Variants in AGR3 observed in about 807,000 individuals in gnomAD.
AGR3 encodes anterior gradient 3, protein disulphide isomerase family member, also known as anterior gradient protein 3.
A neutral mutation model predicts 24.5 loss-of-function variants in AGR3; 37 were observed. The observed-to-expected ratio is 1.51, with a 90% CI of 1.16 to 1.99. AGR3 has a LOEUF of 1.99. AGR3 is among the 30% of genes most tolerant of loss of function. The probability of loss-of-function intolerance (pLI) is 0.00; values close to 1 mark genes in which losing one functional copy is unlikely to be tolerated. For synonymous variants in AGR3, 75 were observed against 61.6 expected, an observed-to-expected ratio of 1.22 and a Z score of -1.02; for missense variants, 228 against 191.1, an observed-to-expected ratio of 1.19 and a Z score of -1.14.
chr7:16,879,087 A>G (rs1026323841), intron 1 of AGR3, among the ~76,000 whole-genome samples: 2 of 152,242 alleles, frequency 1.3e-5, no homozygotes, highest in Non-Finnish European at 2.9e-5. Context: ...ACTCTATACT[A>G]AGATAAGATT....
At chr7:16,865,531 C>CA in intron 3 of AGR3, 1 of 694,466 alleles carries the variant, frequency 1.4e-6, no homozygotes, top group Non-Finnish European at 2.6e-6. Flanking sequence ...CTGAGACTGT[C>CA]ACAGATTATA....
In AGR3 at chr7:16,859,597, A is replaced by G; in HGVS notation, c.486T>C (p.Ile162=). Reference sequence around the variant, plus strand: ...CCATCATCTCTTATAGCTCTGACTGAATAAGTCTTAATGCTTTCTTCATGT... The same window carrying G: ...CCATCATCTCTTATAGCTCTGACTGGATAAGTCTTAATGCTTTCTTCATGT... ...IENMKKALRL[I]QSEL is the part of the protein sequence containing the mutation. Residue 162 remains isoleucine (I), a synonymous_variant, in exon 8 of 8, where the codon ATT becomes ATC. Coordinates refer to ENST00000310398, the MANE Select transcript of AGR3 (RefSeq NM_176813.5). 1 of 1,553,252 alleles carries G rather than the reference A, an allele frequency of 6.4e-7. No individual in the cohort carries two copies.
intron 4 of AGR3, among the ~76,000 whole-genome samples, chr7:16,862,336 C>T (rs568479603): frequency 5.9e-4 from 90 of 152,098 alleles, no homozygotes; most frequent in African/African-American, 1.9e-3. Flanking sequence ...GACTTTTTTT[C>T]AGTGTTTCTA....
intron 5 of AGR3, 98 bp from the exon 6 acceptor site, chr7:16,861,545 CT>C: frequency 9.6e-7 from 1 of 1,040,044 alleles, no homozygotes; most frequent in Non-Finnish European, 1.5e-6. Flanking sequence ...CTATTTTGGC[CT>C]TTTATAATTC....
chr7:16,870,824 T>C (rs1022752674), intron 3 of AGR3, among the ~76,000 whole-genome samples: 7 of 152,306 alleles, frequency 4.6e-5, no homozygotes, highest in African/African-American at 1.7e-4. Context: ...CACCGATATT[T>C]GGAAGTGAGA....
At chr7:16,873,068 C>T (rs1781915231) in intron 3 of AGR3, among the ~76,000 whole-genome samples, 1 of 152,122 alleles carries the variant, frequency 6.6e-6, no homozygotes, top group South Asian at 2.1e-4. Flanking sequence ...AAAAATATAA[C>T]TACCATATGA....
In AGR3 at chr7:16,859,649, A is replaced by G. The variant is rs1388730106; in HGVS notation, c.452-18T>C. 7.0e-7 allele frequency: 1 copy of G among 1,424,196 alleles called. No individual in the cohort carries two copies. The highest frequency in any genetic ancestry group is 9.6e-7 in the Non-Finnish European group (1 of 1,036,292). 88.2% of individuals were successfully genotyped at this position (1,424,196 alleles called of 1,614,324 possible). A position where few individuals can be genotyped will look rare whatever the true frequency, so the allele number is the denominator to read the frequency against. ...TTCTATCACTGAAATAAGAGTTAATATATATTATGCTATTAATAAATGAAA... is the reference window on the plus strand; with the variant it reads ...TTCTATCACTGAAATAAGAGTTAATGTATATTATGCTATTAATAAATGAAA... On this transcript the variant is annotated intron_variant, in intron 7 of 7. Transcript: ENST00000310398.
At chr7:16,863,851 A>C (rs1781696947) in intron 3 of AGR3, among the ~76,000 whole-genome samples, 1 of 152,006 alleles carries the variant, frequency 6.6e-6, no homozygotes, top group Non-Finnish European at 1.5e-5. Context: ...TATTTGCTAA[A>C]CATGCTTTTT....
At chr7:16,864,339 C>T (rs1326480366) in intron 3 of AGR3, 7 of 1,359,910 alleles carry the variant, frequency 5.1e-6, no homozygotes, top group South Asian at 4.7e-5. Context: ...AGAGCTGAGG[C>T]TGGCTGGCAG....
At chr7:16,856,366 A>T (rs75549226), downstream of AGR3, among the ~76,000 whole-genome samples, 3,862 of 152,322 alleles carry the variant, frequency 0.025, 89 homozygotes, top group South Asian at 0.11. Context: ...GAGGTGAAGG[A>T]TCTAGTGCAG....
chr7:16,865,209 G>T (rs1042368215), intron 3 of AGR3: 37 of 765,518 alleles, frequency 4.8e-5, no homozygotes, highest in Non-Finnish European at 8.2e-5. Context: ...TTTTGATTTT[G>T]ACAGCGTAGC....
At chr7:16,873,878 A>G (rs768312521) in intron 2 of AGR3, 35 bp from the exon 3 acceptor site, 4 of 1,515,454 alleles carry the variant, frequency 2.6e-6, no homozygotes, top group African/African-American at 2.8e-5. Context: ...GCAGTAACCC[A>G]GAACTAGAGA....
In AGR3 at chr7:16,862,042, G is replaced by T. The variant is rs201972239; in HGVS notation, c.245C>A (p.Ala82Asp). 3 of 1,613,156 alleles carry T rather than the reference G, an allele frequency of 1.9e-6. No homozygotes were observed. The highest frequency in any genetic ancestry group is 2.5e-6 in the Non-Finnish European group (3 of 1,179,490). Residue 82 changes from alanine (A) to aspartate (D), a missense_variant, in exon 5 of 8, where the codon GCC becomes GAC. Ala to Asp is a moderately radical substitution (Grantham distance 126). Coordinates refer to ENST00000310398, the MANE Select transcript of AGR3 (RefSeq NM_176813.5). Reference protein sequence around the residue: ...QYSQALKKVFAQNEEIQEMAQ... With the variant: ...QYSQALKKVFDQNEEIQEMAQ... ...CATTTCTTGTATTTCTTCATTTTGG[G>T]CAAATACTTTCTTTAGTGCTATAGG... is the stretch of plus-strand genomic sequence containing the variant.
chr7:16,858,367 C>G (rs1194645946), downstream of AGR3, among the ~76,000 whole-genome samples: 1 of 151,992 alleles, frequency 6.6e-6, no homozygotes, highest in African/African-American at 2.4e-5. Context: ...ATTTTTTCTT[C>G]TTGTTGCTGT....
chr7:16,881,351 G>C (rs1015496600), intron 1 of AGR3, among the ~76,000 whole-genome samples: 4 of 152,126 alleles, frequency 2.6e-5, no homozygotes, highest in African/African-American at 4.8e-5. Flanking sequence ...CTGTGACAAA[G>C]CAGTACAACT....
At chr7:16,874,259 A>G (rs1781944460) in intron 2 of AGR3, among the ~76,000 whole-genome samples, 1 of 152,132 alleles carries the variant, frequency 6.6e-6, no homozygotes, top group African/African-American at 2.4e-5. Flanking sequence ...TTGGGTCCCA[A>G]GAGATGTTGA....
intron 3 of AGR3, among the ~76,000 whole-genome samples, chr7:16,867,396 T>C (rs933329981): frequency 6.6e-6 from 1 of 152,162 alleles, no homozygotes; most frequent in Non-Finnish European, 1.5e-5. Context: ...ATTTGACAAG[T>C]AAAAGTTGTA....
At chr7:16,873,954 C>CT in intron 2 of AGR3, 111 bp from the exon 3 acceptor site, 2 of 861,478 alleles carry the variant, frequency 2.3e-6, no homozygotes, top group Non-Finnish European at 3.7e-6. Context: ...AGCCATCAAG[C>CT]TGTTGGCTGA....
chr7:16,868,421 C>T (rs988808830), intron 3 of AGR3, among the ~76,000 whole-genome samples: 8 of 152,180 alleles, frequency 5.3e-5, no homozygotes, highest in African/African-American at 1.7e-4. Context: ...TCCCAAAGTG[C>T]TGGGATTACA....
Sources: gnomAD v4.1 joint callset for allele counts (sites outside exome capture counted in the v4.1 genomes callset) on GRCh38, gnomAD v4.1.1 for gene constraint, MANE v1.5 for transcripts, NCBI Gene and HGNC (gene_info 2026-07-23, HGNC 2026-07-21) for gene names.